NAPB: variants seen among roughly 807,000 people sequenced by gnomAD.
NAPB encodes the protein beta-soluble NSF attachment protein.
NAPB carries 26 observed loss-of-function variants against 44.7 expected under a neutral mutation model. The ratio of observed to expected loss-of-function variants is 0.58; its 90% CI spans 0.43 to 0.81. NAPB has a LOEUF of 0.81. Ranked by LOEUF, NAPB falls within the 30% of genes least tolerant of loss-of-function variation. The probability of loss-of-function intolerance (pLI) is 0.00; values close to 1 mark genes in which losing one functional copy is unlikely to be tolerated. For missense variants in NAPB, 315 were observed against 356.4 expected (o/e 0.88, Z 0.94); for synonymous variants, 120 against 116.8 (o/e 1.03, Z -0.18).
intron 1 of NAPB, among the ~76,000 whole-genome samples, chr20:23,417,811 G>A (rs1050602666): frequency 6.6e-6 from 1 of 152,004 alleles, no homozygotes; most frequent in Non-Finnish European, 1.5e-5. Flanking sequence ...GAGGAAGGTG[G>A]GGATGGGAAA....
intron 7 of NAPB, among the ~76,000 whole-genome samples, chr20:23,386,364 C>T (rs1488076672): frequency 2.0e-5 from 3 of 152,148 alleles, no homozygotes; most frequent in African/African-American, 4.8e-5. Flanking sequence ...TTCTACCAAA[C>T]ATTTAAAGAG....
At chr20:23,416,540 G>C (rs1986015722) in intron 1 of NAPB, among the ~76,000 whole-genome samples, 1 of 151,936 alleles carries the variant, frequency 6.6e-6, no homozygotes, top group South Asian at 2.1e-4. Flanking sequence ...GAGAGAACTT[G>C]AGCCTCTACC....
chr20:23,410,314 T>C (rs1438718988), intron 1 of NAPB, among the ~76,000 whole-genome samples: 1 of 152,166 alleles, frequency 6.6e-6, no homozygotes, highest in Non-Finnish European at 1.5e-5. Context: ...TCATCTCCTA[T>C]CACAGAAACA....
intron 1 of NAPB, among the ~76,000 whole-genome samples, chr20:23,411,705 G>C (rs1360179775): frequency 6.6e-6 from 1 of 151,942 alleles, no homozygotes; most frequent in Non-Finnish European, 1.5e-5. Flanking sequence ...ATAGGTAACA[G>C]GAGTTTTCTG....
intron 1 of NAPB, 66 bp from the exon 2 acceptor site, chr20:23,403,138 T>C: frequency 1.7e-6 from 2 of 1,153,896 alleles, no homozygotes; most frequent in Non-Finnish European, 2.6e-6. Context: ...CTCCCTCAAA[T>C]GATTAACATT....
At chr20:23,389,243 A>AC (rs1983763705) in intron 7 of NAPB, among the ~76,000 whole-genome samples, 1 of 151,424 alleles carries the variant, frequency 6.6e-6, no homozygotes, top group Admixed American at 6.6e-5. Flanking sequence ...AAAAAAAAAA[A>AC]AAAAAAAAAC....
intron 2 of NAPB, among the ~76,000 whole-genome samples, chr20:23,402,119 A>C (rs1351710781): frequency 3.3e-5 from 5 of 152,350 alleles, no homozygotes; most frequent in African/African-American, 7.2e-5. Flanking sequence ...CTTTAAAGCC[A>C]GAAGAGACCT....
chr20:23,396,225 G>A (rs1984351218), intron 3 of NAPB, among the ~76,000 whole-genome samples: 1 of 152,160 alleles, frequency 6.6e-6, no homozygotes. Context: ...TGAAACCAGG[G>A]ATTTTAATGC....
rs1378594573 is a variant in NAPB, at chr20:23,404,041, G to A, written c.99-969C>T. ...CTGTTGCTTGGACATATACAGTTCT[G>A]CAAAGTTCTTTACCAAGCAGCTGAT... On this transcript the variant is annotated intron_variant, in intron 1 of 10. Transcript: ENST00000377026. 9.9e-5 allele frequency among the ~76,000 whole-genome samples: 15 copies of A among 152,276 alleles called. 1 individual carries two copies. The East Asian group carries it at 2.9e-3, about 29-fold the overall frequency.
chr20:23,380,391 A>C (rs1343989839), intron 8 of NAPB, among the ~76,000 whole-genome samples: 1 of 152,196 alleles, frequency 6.6e-6, no homozygotes, highest in Non-Finnish European at 1.5e-5. Context: ...CTTGGCTCCC[A>C]GTGCTCACTG....
intron 1 of NAPB, among the ~76,000 whole-genome samples, chr20:23,419,989 T>TA (rs1302064335): frequency 6.6e-6 from 1 of 151,012 alleles, no homozygotes; most frequent in Non-Finnish European, 1.5e-5. Context: ...TCTTCTGAAA[T>TA]AGAGTCTGAA....
At chr20:23,392,787 T>C (rs1381712838) in intron 5 of NAPB, among the ~76,000 whole-genome samples, 1 of 151,704 alleles carries the variant, frequency 6.6e-6, no homozygotes, top group Non-Finnish European at 1.5e-5. Context: ...CCTCCCAAAG[T>C]GGTAGGATTA....
At chr20:23,381,176 G>C (rs755547451) in intron 8 of NAPB, 37 bp downstream of exon 8, 2 of 1,380,886 alleles carry the variant, frequency 1.4e-6, no homozygotes, top group South Asian at 1.2e-5. Context: ...TATTCTTATG[G>C]GTGAAATCAG....
chr20:23,395,287 A>G (rs1022741289), intron 3 of NAPB, 102 bp from the exon 4 acceptor site: 7 of 1,252,212 alleles, frequency 5.6e-6, no homozygotes, highest in Non-Finnish European at 7.9e-6. Context: ...TTAATGAGGT[A>G]TAATTTTGGA....
intron 2 of NAPB, among the ~76,000 whole-genome samples, chr20:23,398,344 ATTTT>A (rs1231869142): frequency 6.6e-6 from 1 of 151,836 alleles, no homozygotes; most frequent in South Asian, 2.1e-4. Flanking sequence ...TTTGCTATAA[ATTTT>A]TTTTGTGAGG....
intron 1 of NAPB, among the ~76,000 whole-genome samples, chr20:23,406,212 A>G (rs1788948411): frequency 6.6e-6 from 1 of 152,158 alleles, no homozygotes; most frequent in South Asian, 2.1e-4. Context: ...CTGTTCTTAT[A>G]CATTACCCAG....
chr20:23,377,206 T>TC lies in NAPB; in HGVS notation c.*169dup, dbSNP rs1036776426. 6 of 394,872 alleles carry TC rather than the reference T, an allele frequency of 1.5e-5. No homozygotes were observed. Among genetic ancestry groups the TC allele is most frequent in the African/African-American group, 1.2e-4 (6 of 49,102 alleles). 24.5% of individuals were successfully genotyped at this position (394,872 alleles called of 1,614,324 possible). A position where few individuals can be genotyped will look rare whatever the true frequency, so the allele number is the denominator to read the frequency against. On this transcript the variant is annotated 3_prime_UTR_variant, in exon 11 of 11. Coordinates refer to ENST00000377026, the MANE Select transcript of NAPB (RefSeq NM_022080.3). Reference sequence around the variant, plus strand: ...TTACCACAAGATGAACAGGAGCCTCTCCTTCATTCATTTCACAGCAACACA... The same window carrying TC: ...TTACCACAAGATGAACAGGAGCCTCTCCCTTCATTCATTTCACAGCAACACA...
intron 2 of NAPB, among the ~76,000 whole-genome samples, chr20:23,401,975 A>T (rs1463327271): frequency 6.6e-6 from 1 of 152,246 alleles, no homozygotes; most frequent in Non-Finnish European, 1.5e-5. Flanking sequence ...TAAGACCTGA[A>T]CAAAATAAAA....
chr20:23,412,753 T>A (rs8117246), intron 1 of NAPB, among the ~76,000 whole-genome samples: 17,329 of 152,236 alleles, frequency 0.11, 1,733 homozygotes, highest in African/African-American at 0.27. Context: ...CCCAGCACTT[T>A]GGGAGGCCAA....
Sources: allele counts gnomAD v4.1 joint callset (sites outside exome capture counted in the v4.1 genomes callset), GRCh38; gene constraint gnomAD v4.1.1; transcripts MANE v1.5; gene names NCBI Gene and HGNC (gene_info 2026-07-23, HGNC 2026-07-21).